Variants in GNB4 observed in about 807,000 individuals in gnomAD.
The protein encoded by GNB4 is guanine nucleotide-binding protein subunit beta-4.
GNB4 carries 28 observed loss-of-function variants against 45.2 expected under a neutral mutation model. The ratio of observed to expected loss-of-function variants is 0.62; its 90% confidence interval spans 0.46 to 0.85. GNB4 has a LOEUF of 0.85. Ranked by LOEUF, GNB4 falls within the 40% of genes least tolerant of loss-of-function variation. The probability of loss-of-function intolerance (pLI) is 0.00; values close to 1 mark genes in which losing one functional copy is unlikely to be tolerated. For missense variants in GNB4, 321 were observed against 425.4 expected (o/e 0.75, Z 2.16); for synonymous variants, 132 against 143.7 (o/e 0.92, Z 0.58).
intron 1 of GNB4, among the ~76,000 whole-genome samples, chr3:179,443,624 TAAC>T (rs780722517): frequency 4.4e-4 from 67 of 152,322 alleles, no homozygotes; most frequent in Non-Finnish European, 7.1e-4. Flanking sequence ...TCATTTTTCT[TAAC>T]AAAGCCATAA....
At chr3:179,454,034 T>C (rs1194573218), upstream of GNB4, among the ~76,000 whole-genome samples, 3 of 152,160 alleles carry the variant, frequency 2.0e-5, no homozygotes, top group Non-Finnish European at 4.4e-5. Context: ...AGAGAGAGAC[T>C]GGGAAGGGAG....
chr3:179,484,937 T>TA, the GNB4 span, among the ~76,000 whole-genome samples: 22 of 151,732 alleles, frequency 1.4e-4, no homozygotes, highest in African/African-American at 4.4e-4. Flanking sequence ...TCTTGAGACT[T>TA]ATATTTGCCA....
At chr3:179,433,571 C>A (rs1715365925) in intron 1 of GNB4, among the ~76,000 whole-genome samples, 1 of 150,888 alleles carries the variant, frequency 6.6e-6, no homozygotes, top group African/African-American at 2.4e-5. Context: ...CACCACTGCA[C>A]TCAAACCTGG....
chr3:179,473,732 T>C, the GNB4 span, among the ~76,000 whole-genome samples: 1 of 152,230 alleles, frequency 6.6e-6, no homozygotes, highest in Non-Finnish European at 1.5e-5. Flanking sequence ...TCCCGTAGTT[T>C]ACCCTGAGTC....
chr3:179,493,618 A>G, the GNB4 span, among the ~76,000 whole-genome samples: 5 of 152,110 alleles, frequency 3.3e-5, no homozygotes, highest in Non-Finnish European at 7.3e-5. Flanking sequence ...TAGGGGTCCC[A>G]GAATGAGAAG....
chr3:179,465,869 G>A, the GNB4 span, among the ~76,000 whole-genome samples: 1 of 146,232 alleles, frequency 6.8e-6, no homozygotes, highest in African/African-American at 2.6e-5. Flanking sequence ...TGTTGCCTGG[G>A]CTGGTATTGA....
intron 5 of GNB4, among the ~76,000 whole-genome samples, chr3:179,415,888 T>C (rs1714785958): frequency 6.6e-6 from 1 of 152,182 alleles, no homozygotes; most frequent in African/African-American, 2.4e-5. Context: ...AAAATGGTAT[T>C]TTCAAATGTT....
rs200009694 is a variant in GNB4, at chr3:179,413,197, C to CA, written c.699+214dup. Among the ~76,000 whole-genome samples the CA allele has an allele frequency of 2.4e-3, 366 of 150,946 alleles. 5 individuals are homozygous for CA. The highest frequency in any genetic ancestry group is 6.8e-3 in the Middle Eastern group (2 of 294). ...TCTCAAAAAAACAAAAAAATAACAA[C>CA]AAAAAAAAATCCAACAATAACAAAA... On this transcript the variant is annotated intron_variant, in intron 8 of 9. Transcript: ENST00000232564.
At chr3:179,443,119 C>T (rs1715634449) in intron 1 of GNB4, among the ~76,000 whole-genome samples, 7 of 152,274 alleles carry the variant, frequency 4.6e-5, no homozygotes, top group Middle Eastern at 3.4e-3. Context: ...TTATGAGTGC[C>T]TCACAAGCAT....
At chr3:179,501,344 G>A in the GNB4 span, among the ~76,000 whole-genome samples, 35 of 149,300 alleles carry the variant, frequency 2.3e-4, no homozygotes, top group African/African-American at 8.2e-4. Context: ...TGTCACCCAG[G>A]CTGGAGTGCA....
Position 179,401,058 on chromosome 3 carries a change from C to CT in GNB4, c.*154dup, listed in dbSNP as rs941418731. 1,147 of 503,364 alleles carry CT rather than the reference C, an allele frequency of 2.3e-3. No individual in the cohort carries two copies. The highest frequency in any genetic ancestry group is 3.7e-3 in the South Asian group (93 of 25,016). 31.2% of individuals were successfully genotyped at this position (503,364 alleles called of 1,614,324 possible). A position where few individuals can be genotyped will look rare whatever the true frequency, so the allele number is the denominator to read the frequency against. ...CTTTGCCTTTTTTCCTCCACCCCCA[C>CT]TTTTTTTTTGGTAGTTTACTGAAAG... On this transcript the variant is annotated 3_prime_UTR_variant, in exon 10 of 10. Coordinates refer to ENST00000232564, the MANE Select transcript of GNB4 (RefSeq NM_021629.4).
chr3:179,405,724 T>C (rs1162427167), intron 8 of GNB4: 1 of 191,356 alleles, frequency 5.2e-6, no homozygotes, highest in Non-Finnish European at 1.1e-5. Flanking sequence ...AGAATATATA[T>C]GTGTGTGTGT....
intron 1 of GNB4, among the ~76,000 whole-genome samples, chr3:179,441,960 A>G (rs1715605665): frequency 6.6e-6 from 1 of 151,824 alleles, no homozygotes; most frequent in African/African-American, 2.4e-5. Context: ...GGTGCCCGCC[A>G]CCACGCCTGG....
At chr3:179,414,323 T>C (rs1577028813) in intron 6 of GNB4, among the ~76,000 whole-genome samples, 1 of 152,156 alleles carries the variant, frequency 6.6e-6, no homozygotes, top group African/African-American at 2.4e-5. Context: ...TTTCAAAATA[T>C]GGAAATGTCA....
At chr3:179,443,207 T>G (rs936803660) in intron 1 of GNB4, among the ~76,000 whole-genome samples, 1 of 152,206 alleles carries the variant, frequency 6.6e-6, no homozygotes, top group Non-Finnish European at 1.5e-5. Flanking sequence ...CACGGAAAAG[T>G]AGCTACAATT....
At chr3:179,444,549 AT>A (rs1165608897) in intron 1 of GNB4, among the ~76,000 whole-genome samples, 1 of 151,646 alleles carries the variant, frequency 6.6e-6, no homozygotes. Context: ...ACCATGTTCC[AT>A]TTAAATACAC....
chr3:179,523,263 G>A, the GNB4 span, among the ~76,000 whole-genome samples: 1 of 152,150 alleles, frequency 6.6e-6, no homozygotes, highest in South Asian at 2.1e-4. Flanking sequence ...CTTGATTGAA[G>A]TAATGGGGGC....
chr3:179,450,860 C>T (rs1026115787), intron 1 of GNB4: 1 of 152,234 alleles, frequency 6.6e-6, no homozygotes, highest in Non-Finnish European at 1.5e-5. Context: ...AAATCTGAAA[C>T]AAAACCATTG....
the GNB4 span, among the ~76,000 whole-genome samples, chr3:179,514,672 T>C: frequency 6.6e-6 from 1 of 152,104 alleles, no homozygotes; most frequent in Non-Finnish European, 1.5e-5. Flanking sequence ...AGGGGTGTGA[T>C]TGGGCAAAGA....
Sources: allele counts gnomAD v4.1 joint callset (sites outside exome capture counted in the v4.1 genomes callset), GRCh38; gene constraint gnomAD v4.1.1; transcripts MANE v1.5; gene names NCBI Gene and HGNC (gene_info 2026-07-23, HGNC 2026-07-21).